PIAS1: variants seen among roughly 807,000 people sequenced by gnomAD.
The protein encoded by PIAS1 is protein inhibitor of activated STAT 1.
PIAS1 carries 6 observed loss-of-function variants against 71.3 expected under a neutral mutation model. The ratio of observed to expected loss-of-function variants is 0.08; its 90% CI spans 0.05 to 0.17. PIAS1 has a LOEUF of 0.17. PIAS1 is among the 10% of genes least tolerant of loss of function. The pLI is 1.00. For missense variants in PIAS1, 555 were observed against 793.6 expected, an observed-to-expected ratio of 0.70 and a Z score of 3.61; for synonymous variants, 303 against 292.9, an observed-to-expected ratio of 1.03 and a Z score of -0.35.
At chr15:68,102,867 G>T (rs2092439491) in intron 2 of PIAS1, among the ~76,000 whole-genome samples, 1 of 151,840 alleles carries the variant, frequency 6.6e-6, no homozygotes, top group Non-Finnish European at 1.5e-5. Context: ...TTGCCTTATT[G>T]CTTTATGGCT....
chr15:68,103,092 T>G (rs1333977426), intron 2 of PIAS1, among the ~76,000 whole-genome samples: 3 of 151,942 alleles, frequency 2.0e-5, no homozygotes, highest in African/African-American at 7.3e-5. Flanking sequence ...CACACCCAGA[T>G]AATTTTCGTA....
At chr15:68,163,530 T>A (rs770204259) in intron 7 of PIAS1, among the ~76,000 whole-genome samples, 6 of 152,174 alleles carry the variant, frequency 3.9e-5, no homozygotes, top group Non-Finnish European at 8.8e-5. Flanking sequence ...AGGTCTGATG[T>A]GCACCTTACT....
intron 1 of PIAS1, chr15:68,061,470 A>G (rs2091958487): frequency 6.6e-6 from 1 of 152,224 alleles, no homozygotes; most frequent in Non-Finnish European, 1.5e-5. Context: ...ATTCTTAGCT[A>G]TGAACTTCTA....
At chr15:68,063,763 A>C (rs1182374322) in intron 1 of PIAS1, among the ~76,000 whole-genome samples, 3 of 152,158 alleles carry the variant, frequency 2.0e-5, no homozygotes, top group African/African-American at 7.2e-5. Context: ...TCCAGGTCAA[A>C]ATGATTTTCC....
chr15:68,152,752 G>A (rs2092856656), intron 6 of PIAS1, among the ~76,000 whole-genome samples: 1 of 152,018 alleles, frequency 6.6e-6, no homozygotes, highest in South Asian at 2.1e-4. Flanking sequence ...CTTGATCCCA[G>A]CACCAAATAG....
At position 68,189,766 on chromosome 15, in the gene PIAS1, A is replaced by T. The variant is rs536445066; in HGVS notation, c.*1931A>T. 54 of 145,580 alleles carry T rather than the reference A, an allele frequency of 3.7e-4. No individual in the cohort carries two copies. Among genetic ancestry groups the T allele is most frequent in the African/African-American group, 1.2e-3 (49 of 39,862 alleles). 9.0% of individuals were successfully genotyped at this position (145,580 alleles called of 1,614,324 possible). Reference sequence around the variant, plus strand: ...TTATAGTCATAAAACAATTTGCAATAAAAAAAAAACCAAAACAGATTGTCA... The same window carrying T: ...TTATAGTCATAAAACAATTTGCAATTAAAAAAAAACCAAAACAGATTGTCA... On this transcript the variant is annotated 3_prime_UTR_variant, in exon 14 of 14. Transcript: ENST00000249636.
Position 68,086,194 on chromosome 15 carries a change from G to A in PIAS1, c.25-112G>A, listed in dbSNP as rs2092280062. ...AAATAATAGGATTATAAGTGAGCTG[G>A]CCTTTATTTGCTTAAGTAAACCATA... On this transcript the variant is annotated intron_variant, in intron 1 of 13. Coordinates refer to ENST00000249636, the MANE Select transcript of PIAS1 (RefSeq NM_016166.3). The surrounding 1 kb of genome is among the most constrained non-coding windows in gnomAD (Gnocchi z 7.2). 3.0e-6 allele frequency: 2 copies of A among 670,512 alleles called. No individual in the cohort carries two copies. Among genetic ancestry groups the A allele is most frequent in the Non-Finnish European group, 2.5e-6 (1 of 401,814 alleles). 41.5% of individuals were successfully genotyped at this position (670,512 alleles called of 1,614,324 possible). A position where few individuals can be genotyped will look rare whatever the true frequency, so the allele number is the denominator to read the frequency against.
In PIAS1 at chr15:68,093,345, T is replaced by G. The variant is rs185398811; in HGVS notation, c.469+6595T>G. 5.2e-3 allele frequency among the ~76,000 whole-genome samples: 787 copies of G among 152,366 alleles called. 6 individuals carry two copies. Among genetic ancestry groups the G allele is most frequent in the African/African-American group, 0.018 (756 of 41,576 alleles). The stretch of plus-strand genomic sequence containing the variant: ...AGCAAGTTTGAGAATAAACCTCTGG[T>G]TCTTGGTAAGCATACCACATGGTGT... On this transcript the variant is annotated intron_variant, in intron 2 of 13. Coordinates refer to ENST00000249636, the MANE Select transcript of PIAS1 (RefSeq NM_016166.3).
At chr15:68,124,418 T>TC (rs2092635660) in intron 2 of PIAS1, among the ~76,000 whole-genome samples, 2 of 151,088 alleles carry the variant, frequency 1.3e-5, no homozygotes, top group Non-Finnish European at 3.0e-5. Context: ...TTTTTTTTTT[T>TC]CATTCAAAGT....
At chr15:68,170,808 T>G (rs975331399) in intron 8 of PIAS1, among the ~76,000 whole-genome samples, 1 of 152,118 alleles carries the variant, frequency 6.6e-6, no homozygotes. Context: ...GCCTGGCTAA[T>G]TTTTGTATTT....
At chr15:68,116,994 G>A (rs1470746091) in intron 2 of PIAS1, among the ~76,000 whole-genome samples, 1 of 152,092 alleles carries the variant, frequency 6.6e-6, no homozygotes, top group Non-Finnish European at 1.5e-5. Flanking sequence ...AGAATAATTT[G>A]CATGAGGCCT....
intron 7 of PIAS1, among the ~76,000 whole-genome samples, chr15:68,157,470 A>G (rs1261483502): frequency 6.6e-6 from 1 of 152,176 alleles, no homozygotes; most frequent in Non-Finnish European, 1.5e-5. Context: ...GCATCTCATT[A>G]TGGTCTTTAA....
chr15:68,131,584 G>A (rs2092688230), intron 2 of PIAS1, among the ~76,000 whole-genome samples: 2 of 152,248 alleles, frequency 1.3e-5, no homozygotes, highest in South Asian at 2.1e-4. Context: ...ATATAAGTGA[G>A]AGCATGCAGT....
intron 2 of PIAS1, chr15:68,087,746 TG>T: frequency 3.2e-6 from 1 of 307,742 alleles, no homozygotes. Context: ...TGGCAAGTGT[TG>T]AGAACATTTT....
At chr15:68,172,159 T>A (rs62004815) in intron 8 of PIAS1, among the ~76,000 whole-genome samples, 1 of 151,206 alleles carries the variant, frequency 6.6e-6, no homozygotes, top group Non-Finnish European at 1.5e-5. Flanking sequence ...TGAGAACATG[T>A]GATGTTTGGT....
At chr15:68,074,281 C>T (rs2092132972) in intron 1 of PIAS1, among the ~76,000 whole-genome samples, 1 of 152,124 alleles carries the variant, frequency 6.6e-6, no homozygotes, top group Non-Finnish European at 1.5e-5. Flanking sequence ...TATTGTTCTT[C>T]TTCTGTCATA....
At chr15:68,162,011 G>C (rs2092927809) in intron 7 of PIAS1, among the ~76,000 whole-genome samples, 1 of 151,806 alleles carries the variant, frequency 6.6e-6, no homozygotes, top group African/African-American at 2.4e-5. Context: ...AGCAATTTCA[G>C]CTCACTGCAA....
At chr15:68,094,504 T>G (rs1390859596) in intron 2 of PIAS1, among the ~76,000 whole-genome samples, 2 of 152,140 alleles carry the variant, frequency 1.3e-5, no homozygotes, top group Non-Finnish European at 2.9e-5. Flanking sequence ...TGCTACATCT[T>G]AATAACATTG....
intron 7 of PIAS1, among the ~76,000 whole-genome samples, chr15:68,156,765 CAG>C (rs921779104): frequency 1.1e-4 from 16 of 145,526 alleles, no homozygotes; most frequent in Non-Finnish European, 2.1e-4. Context: ...GGAGGGTGAC[CAG>C]AGAGTTGGAC....
Sources: allele counts gnomAD v4.1 joint callset (sites outside exome capture counted in the v4.1 genomes callset), GRCh38; gene constraint gnomAD v4.1.1; non-coding constraint Gnocchi (gnomAD v3.1); transcripts MANE v1.5; gene names NCBI Gene and HGNC (gene_info 2026-07-23, HGNC 2026-07-21).